The following NUP35 variants were observed in gnomAD, a reference collection of about 807,000 sequenced individuals.
NUP35 encodes the protein nucleoporin NUP35.
Under a neutral mutation model 41.5 loss-of-function variants are expected in NUP35, and 25 were observed. The ratio of observed to expected loss-of-function variants is 0.60; its 90% CI spans 0.44 to 0.84. The LOEUF is 0.84. NUP35 is among the 40% of genes least tolerant of loss of function. NUP35 has a pLI of 0.00. For synonymous variants in NUP35, 149 were observed against 130.7 expected (o/e 1.14, Z -0.96); for missense variants, 396 against 396.6 (o/e 1.00, Z 0.01).
chr2:183,123,687 T>C (rs901986324), upstream of NUP35: 2 of 546,806 alleles, frequency 3.7e-6, no homozygotes, highest in Admixed American at 6.3e-5. Context: ...AATATATTTT[T>C]ACACACACAT....
intron 5 of NUP35, among the ~76,000 whole-genome samples, chr2:183,153,982 G>C (rs1376927680): frequency 6.6e-6 from 1 of 152,192 alleles, no homozygotes; most frequent in Non-Finnish European, 1.5e-5. Flanking sequence ...CTTGACTTCT[G>C]TGCACCCACA....
rs1435196053 is a variant in NUP35, at chr2:183,128,286, G to C, written c.41-1G>C. The C allele has an allele frequency of 1.3e-6, 2 of 1,594,476 alleles. No homozygotes were observed. The highest frequency in any genetic ancestry group is 8.6e-7 in the Non-Finnish European group (1 of 1,168,516). ...CTTAATTTATTTTTTGATTCATGTA[G>C]GATCTGAACCAATGATGCTGGGTTC... On this transcript the variant is annotated splice_acceptor_variant, in intron 1 of 8. Transcript: ENST00000295119. LOFTEE classifies it high-confidence loss of function.
intron 4 of NUP35, among the ~76,000 whole-genome samples, chr2:183,142,806 T>C (rs928890278): frequency 6.6e-6 from 1 of 151,886 alleles, no homozygotes; most frequent in Non-Finnish European, 1.5e-5. Flanking sequence ...TTCTCTGTCA[T>C]TTTAATTCCA....
intron 2 of NUP35, among the ~76,000 whole-genome samples, chr2:183,129,325 GA>G (rs2105544756): frequency 6.6e-6 from 1 of 152,264 alleles, no homozygotes; most frequent in East Asian, 1.9e-4. Context: ...TTTAAAAAAT[GA>G]CTTCGAAGTT....
intron 7 of NUP35, 125 bp downstream of exon 7, chr2:183,158,536 A>G: frequency 2.4e-6 from 2 of 839,230 alleles, no homozygotes; most frequent in Non-Finnish European, 3.5e-6. Flanking sequence ...GTAAAATGTG[A>G]TGATGTTTAT....
At chr2:183,146,025 C>T (rs771122434) in intron 4 of NUP35, among the ~76,000 whole-genome samples, 1 of 152,202 alleles carries the variant, frequency 6.6e-6, no homozygotes, top group Non-Finnish European at 1.5e-5. Context: ...CACCTGAGGT[C>T]AGGAGTTCGA....
chr2:183,146,197 C>T (rs1685270978), intron 4 of NUP35, among the ~76,000 whole-genome samples: 1 of 152,114 alleles, frequency 6.6e-6, no homozygotes, highest in Non-Finnish European at 1.5e-5. Flanking sequence ...GATCGTGCCA[C>T]TGCACTCCAG....
At chr2:183,124,813 C>T (rs1046027888) in intron 1 of NUP35, among the ~76,000 whole-genome samples, 1 of 152,170 alleles carries the variant, frequency 6.6e-6, no homozygotes, top group African/African-American at 2.4e-5. Context: ...TTCTGATACC[C>T]GAGACGCGAT....
intron 4 of NUP35, among the ~76,000 whole-genome samples, chr2:183,149,415 A>G (rs1374129035): frequency 1.3e-5 from 2 of 151,224 alleles, no homozygotes; most frequent in Admixed American, 6.6e-5. Context: ...AAAGATTTGC[A>G]GGAAGAGTGA....
At position 183,157,473 on chromosome 2, in the gene NUP35, T is replaced by G; in HGVS notation, c.569T>G (p.Leu190Ter). The change falls in exon 6 of 9, where the codon TTA (leucine) becomes TGA (stop). Residue 190 changes from leucine to a stop codon, truncating the protein, a stop_gained. Coordinates refer to ENST00000295119, the MANE Select transcript of NUP35 (RefSeq NM_138285.5). LOFTEE classifies it high-confidence loss of function. The stretch of plus-strand genomic sequence containing the variant: ...CCTCAAGCATCTGCTTCCTACATAT[T>G]ACTACAATTTGCACAGTATGGGAAT... ...GFPQASASYI[L>*]LQFAQYGNIL... 6.2e-7 allele frequency: 1 copy of G among 1,613,200 alleles called. No individual in the cohort carries two copies. The highest frequency in any genetic ancestry group is 8.5e-7 in the Non-Finnish European group (1 of 1,179,264).
upstream of NUP35, among the ~76,000 whole-genome samples, chr2:183,122,410 A>T (rs1294128916): frequency 6.6e-6 from 1 of 152,140 alleles, no homozygotes; most frequent in Non-Finnish European, 1.5e-5. Context: ...CTTTTATTTA[A>T]AGAAGTATCA....
chr2:183,135,027 C>G (rs1225995641), intron 4 of NUP35, among the ~76,000 whole-genome samples: 1 of 152,126 alleles, frequency 6.6e-6, no homozygotes, highest in African/African-American at 2.4e-5. Flanking sequence ...CTTTGTAACT[C>G]TTTGACCATT....
At chr2:183,136,107 A>C (rs1405067660) in intron 4 of NUP35, among the ~76,000 whole-genome samples, 3 of 152,112 alleles carry the variant, frequency 2.0e-5, no homozygotes, top group Non-Finnish European at 4.4e-5. Flanking sequence ...TCTTCAAGGA[A>C]ACTTAGTCAT....
Position 183,130,497 on chromosome 2 carries a change from C to G in NUP35, c.291C>G (p.Asp97Glu), listed in dbSNP as rs143103395. ...CACCAGTTAGAAGTATATATGATGA[C>G]ATTTCTAGCCCAGGACTTGGATCAA... ...GAPPVRSIYDDISSPGLGSTP... is the reference protein window; with the variant it reads ...GAPPVRSIYDEISSPGLGSTP... Residue 97 changes from aspartate to glutamate, a missense_variant, in exon 3 of 9, where the codon GAC becomes GAG. By Grantham distance (45) the Asp-to-Glu change is conservative (BLOSUM62 2). Coordinates refer to ENST00000295119, the MANE Select transcript of NUP35 (RefSeq NM_138285.5). 217 of 1,605,542 alleles carry G rather than the reference C, an allele frequency of 1.4e-4. 1 individual carries two copies. The highest frequency in any genetic ancestry group is 8.8e-4 in the Admixed American group (52 of 58,948).
chr2:183,119,844 C>A (rs75993030), upstream of NUP35, among the ~76,000 whole-genome samples: 8,962 of 152,084 alleles, frequency 0.059, 325 homozygotes, highest in South Asian at 0.15. Flanking sequence ...TGCCACCCCA[C>A]CCTGGGATTT....
chr2:183,140,822 CAAAAA>C (rs34256493), intron 4 of NUP35, among the ~76,000 whole-genome samples: 15 of 89,542 alleles, frequency 1.7e-4, no homozygotes, highest in Non-Finnish European at 2.8e-4. Flanking sequence ...AAACTCCATT[CAAAAA>C]AAAAAAAAAA....
At chr2:183,135,758 G>A (rs1445226820) in intron 4 of NUP35, among the ~76,000 whole-genome samples, 2 of 152,136 alleles carry the variant, frequency 1.3e-5, no homozygotes, top group Non-Finnish European at 2.9e-5. Flanking sequence ...CAGCTACTCG[G>A]AAGGCTGAGG....
At chr2:183,152,155 A>ACACACACAC (rs58605274) in intron 5 of NUP35, among the ~76,000 whole-genome samples, 2 of 141,838 alleles carry the variant, frequency 1.4e-5, no homozygotes, top group East Asian at 2.1e-4. Flanking sequence ...ACACACACAC[A>ACACACACAC]ATGTCACAGG....
intron 8 of NUP35, 26 bp downstream of exon 8, chr2:183,159,678 G>T: frequency 6.3e-7 from 1 of 1,584,146 alleles, no homozygotes; most frequent in Non-Finnish European, 8.7e-7. Context: ...GATAAAAAAA[G>T]ATGTACTTTA....
Sources: gnomAD v4.1 joint callset for allele counts (sites outside exome capture counted in the v4.1 genomes callset) on GRCh38, gnomAD v4.1.1 for gene constraint, MANE v1.5 for transcripts, NCBI Gene and HGNC (gene_info 2026-07-23, HGNC 2026-07-21) for gene names.